Variants in NOC3L observed in about 807,000 individuals in gnomAD.
NOC3L encodes NOC3 like DNA replication regulator, also known as nucleolar complex protein 3 homolog.
In NOC3L, 85 loss-of-function variants were observed where a neutral mutation model predicts 102.5. That is an observed-to-expected ratio of 0.83 (90% CI 0.70 to 0.99). The LOEUF is 0.99. Ranked by LOEUF, NOC3L falls within the 50% of genes least tolerant of loss-of-function variation. The pLI is 0.00. For missense variants in NOC3L, 878 were observed against 914.9 expected (o/e 0.96, Z 0.52); for synonymous variants, 303 against 309.4 (o/e 0.98, Z 0.22).
chr10:94,356,576 T>A lies in NOC3L; in HGVS notation c.524A>T (p.Lys175Ile), dbSNP rs768437443. The A allele has an allele frequency of 6.4e-7, 1 of 1,569,824 alleles. No homozygotes were observed. The highest frequency in any genetic ancestry group is 1.1e-5 in the South Asian group (1 of 90,126). Residue 175 changes from lysine (K) to isoleucine (I), a missense_variant, in exon 5 of 21, where the codon AAA (lysine) becomes ATA (isoleucine). By Grantham distance (102) the Lys-to-Ile change is moderately radical. Coordinates refer to ENST00000371361, the MANE Select transcript of NOC3L (RefSeq NM_022451.11). ...TREKPVTDSN[K>I]DEEDQEEERE... ...CTCTTCTTCTTGATCCTCTTCATCT[T>A]TGTTACTATCAGTAACTATATGGAA...
the NOC3L span, chr10:94,324,429 G>A: frequency 1.9e-6 from 3 of 1,614,032 alleles, no homozygotes; most frequent in Non-Finnish European, 2.5e-6. Context: ...AAGAGGTGGT[G>A]AAAGACACTA....
In NOC3L at chr10:94,338,691, T is replaced by G; in HGVS notation, c.2008A>C (p.Ser670Arg). Residue 670 changes from serine (S) to arginine (R), a missense_variant, in exon 18 of 21, where the codon AGT becomes CGT. Coordinates refer to ENST00000371361, the MANE Select transcript of NOC3L (RefSeq NM_022451.11). ...DLLLDSESQG[S>R]GVFLPELDEP... ...TCCAGTTCAGGAAGGAAAACTCCACTTCCCTGAGATTCACTGTCAAGCAGT... is the reference window on the plus strand; with the variant it reads ...TCCAGTTCAGGAAGGAAAACTCCACGTCCCTGAGATTCACTGTCAAGCAGT... 2 of 1,613,434 alleles carry G rather than the reference T, an allele frequency of 1.2e-6. No homozygotes were observed. Among genetic ancestry groups the G allele is most frequent in the Non-Finnish European group, 1.7e-6 (2 of 1,179,514 alleles).
chr10:94,353,157 C>G lies in NOC3L; in HGVS notation c.697-100G>C, dbSNP rs1310455688. ...TCCGGCAAAACAAGCGGAATTCACA[C>G]AATGACTCCAAGTCTAGTCATGCCA... On this transcript the variant is annotated intron_variant, in intron 6 of 20. Coordinates refer to ENST00000371361, the MANE Select transcript of NOC3L (RefSeq NM_022451.11). 4 of 920,516 alleles carry G rather than the reference C, an allele frequency of 4.3e-6. No homozygotes were observed. In the Admixed American group the frequency reaches 9.5e-5, roughly 22 times the overall value. 57.0% of individuals were successfully genotyped at this position (920,516 alleles called of 1,614,324 possible).
At chr10:94,348,597 T>TA (rs1222596737) in intron 10 of NOC3L, among the ~76,000 whole-genome samples, 1 of 151,910 alleles carries the variant, frequency 6.6e-6, no homozygotes, top group Non-Finnish European at 1.5e-5. Flanking sequence ...AATAAGCAGG[T>TA]AAAAAAAGTT....
At chr10:94,329,481 G>GTGT (rs762293729), downstream of NOC3L, 2 of 152,106 alleles carry the variant, frequency 1.3e-5, no homozygotes, top group African/African-American at 2.4e-5. Flanking sequence ...AAAAACAGAA[G>GTGT]TGTTAAAAAT....
the NOC3L span, among the ~76,000 whole-genome samples, chr10:94,320,124 C>T: frequency 1.3e-5 from 2 of 151,920 alleles, no homozygotes; most frequent in Admixed American, 6.6e-5. Flanking sequence ...TGTGAATTAC[C>T]TCTCAATCTT....
chr10:94,354,343 A>G (rs1210345692), intron 6 of NOC3L, among the ~76,000 whole-genome samples: 3 of 152,190 alleles, frequency 2.0e-5, no homozygotes, highest in Non-Finnish European at 4.4e-5. Context: ...TCCTCACCAC[A>G]AAGTTTTGAA....
Position 94,340,505 on chromosome 10 carries a change from A to C in NOC3L, c.1645-9T>G. On this transcript the variant is annotated splice_polypyrimidine_tract_variant and intron_variant, in intron 14 of 20. Coordinates refer to ENST00000371361, the MANE Select transcript of NOC3L (RefSeq NM_022451.11). ...TCTTGATAGCTTAGGTCCTTTAAAA[A>C]AAAAAGGGGGGGGTGAGGGGGATGG... The C allele has an allele frequency of 2.8e-6, 4 of 1,409,752 alleles. No individual in the cohort carries two copies. Among genetic ancestry groups the C allele is most frequent in the Non-Finnish European group, 3.9e-6 (4 of 1,034,040 alleles). The allele number at this position is 1,409,752 out of a possible 1,614,324, so 87.3% of individuals were successfully genotyped here.
chr10:94,341,534 T>A, intron 14 of NOC3L, 139 bp downstream of exon 14: 1 of 424,022 alleles, frequency 2.4e-6, no homozygotes, highest in Non-Finnish European at 4.2e-6. Flanking sequence ...CATATGATCA[T>A]AGGCCTTTGT....
At position 94,338,726 on chromosome 10, in the gene NOC3L, T is replaced by G. The variant is rs79286302; in HGVS notation, c.1973A>C (p.Lys658Thr). 1.4e-4 allele frequency: 224 copies of G among 1,611,042 alleles called. No individual in the cohort carries two copies. In the African/African-American group the frequency reaches 2.9e-3, roughly 21 times the overall value. ...TTRILMHTFPKTDLLLDSESQ... is the reference protein window; with the variant it reads ...TTRILMHTFPTTDLLLDSESQ... ...TTCACTGTCAAGCAGTAGATCTGTT[T>G]TGGGGAAAGTCTGCAAAAATGTCAC... The change falls in exon 18 of 21, where the codon AAA becomes ACA. Residue 658 changes from lysine to threonine, a missense_variant. Lys to Thr is a moderately conservative substitution (Grantham distance 78). Coordinates refer to ENST00000371361, the MANE Select transcript of NOC3L (RefSeq NM_022451.11).
In NOC3L at chr10:94,350,069, T is replaced by A. The variant is rs376332292; in HGVS notation, c.1128+44A>T. 3.8e-5 allele frequency: 61 copies of A among 1,600,486 alleles called. No individual in the cohort carries two copies. The African/African-American group carries it at 7.5e-4, about 20-fold the overall frequency. On this transcript the variant is annotated intron_variant, in intron 9 of 20. Coordinates refer to ENST00000371361, the MANE Select transcript of NOC3L (RefSeq NM_022451.11). ...CACCGTGCCTGGCCCACATGGTGTA[T>A]AATTTTCTAAGGAGGACAGCAATAA...
the NOC3L span, chr10:94,325,620 A>T: frequency 0.91 from 137,496 of 150,316 alleles, 63,104 homozygotes; most frequent in African/African-American, 0.98. Flanking sequence ...GAAAAAAAAA[A>T]ATATATATAT....
At chr10:94,317,943 T>C in the NOC3L span, among the ~76,000 whole-genome samples, 1 of 152,206 alleles carries the variant, frequency 6.6e-6, no homozygotes, top group Non-Finnish European at 1.5e-5. Context: ...GGGCATGTAA[T>C]AGTGCTTGCC....
chr10:94,325,001 C>T, the NOC3L span: 1 of 1,614,116 alleles, frequency 6.2e-7, no homozygotes, highest in South Asian at 1.1e-5. Flanking sequence ...CAGCTCTTGA[C>T]CTCAGAAAGT....
intron 5 of NOC3L, among the ~76,000 whole-genome samples, chr10:94,356,175 G>GACTTCATA (rs1187328114): frequency 2.0e-5 from 3 of 152,118 alleles, no homozygotes; most frequent in African/African-American, 7.2e-5. Flanking sequence ...AAACCAAAAT[G>GACTTCATA]ACTTCATACT....
the NOC3L span, among the ~76,000 whole-genome samples, chr10:94,317,536 AAAT>A: frequency 1.8e-4 from 27 of 152,308 alleles, no homozygotes; most frequent in South Asian, 3.9e-3. Context: ...CTTACAAGTA[AAAT>A]AATAATATTT....
At chr10:94,320,996 T>C in the NOC3L span, among the ~76,000 whole-genome samples, 3 of 152,200 alleles carry the variant, frequency 2.0e-5, no homozygotes, top group Admixed American at 1.3e-4. Flanking sequence ...CTGTACTGTT[T>C]GAAAATTTTT....
intron 19 of NOC3L, among the ~76,000 whole-genome samples, chr10:94,336,769 T>TA (rs1349750834): frequency 6.6e-6 from 1 of 151,070 alleles, no homozygotes. Flanking sequence ...TGTCTGTATT[T>TA]AAAAAAAGGT....
chr10:94,325,045 T>C, the NOC3L span: 9 of 1,614,204 alleles, frequency 5.6e-6, no homozygotes, highest in East Asian at 2.0e-4. Context: ...TGTGGGTGGC[T>C]TGTCCTCCAG....
Sources: allele counts gnomAD v4.1 joint callset (sites outside exome capture counted in the v4.1 genomes callset), GRCh38; gene constraint gnomAD v4.1.1; transcripts MANE v1.5; gene names NCBI Gene and HGNC (gene_info 2026-07-23, HGNC 2026-07-21).